RBFOX1: variants seen among roughly 807,000 people sequenced by gnomAD.
RBFOX1 encodes the protein RNA binding protein fox-1 homolog 1.
In RBFOX1, 8 loss-of-function variants were observed where a neutral mutation model predicts 57.7. The observed-to-expected ratio is 0.14, with a 90% CI of 0.08 to 0.25. The LOEUF (loss-of-function observed/expected upper bound fraction) is 0.25. Among genes scored for constraint, RBFOX1 ranks in the 10% least tolerant of loss-of-function variants. RBFOX1 has a pLI of 1.00. For synonymous variants in RBFOX1, 326 were observed against 222.4 expected, an observed-to-expected ratio of 1.47 and a Z score of -4.15; for missense variants, 611 against 548.5, an observed-to-expected ratio of 1.11 and a Z score of -1.14.
chr16:6,897,189 G>A (rs201733740), intron 3 of RBFOX1, among the ~76,000 whole-genome samples: 1 of 152,200 alleles, frequency 6.6e-6, no homozygotes, highest in Non-Finnish European at 1.5e-5. Context: ...TTAAACACAG[G>A]TTGTTTTCCA....
chr16:7,347,065 T>G (rs1447493745), intron 4 of RBFOX1, among the ~76,000 whole-genome samples: 1 of 152,136 alleles, frequency 6.6e-6, no homozygotes, highest in Non-Finnish European at 1.5e-5. Context: ...CAGGCAGAAT[T>G]TATGGACATA....
rs1254226631 is a variant in RBFOX1 at position 6,019,624 on chromosome 16, C to T, written c.-495C>T. 1.6e-6 allele frequency: 2 copies of T among 1,269,624 alleles called. No homozygotes were observed. Among genetic ancestry groups the T allele is most frequent in the Non-Finnish European group, 2.0e-6 (2 of 1,007,480 alleles). The allele number at this position is 1,269,624 out of a possible 1,614,324, so 78.6% of individuals were successfully genotyped here. A position where few individuals can be genotyped will look rare whatever the true frequency, so the allele number is the denominator to read the frequency against. On this transcript the variant is annotated 5_prime_UTR_variant, in exon 1 of 16. Transcript: ENST00000550418. The surrounding 1 kb of genome is among the most constrained non-coding windows in gnomAD (Gnocchi z 4.2). ...GAAGGAGTGAGCCGAGCCGAGCACC[C>T]CACATCTGGAGGGGACAGCCAGCCG...
chr16:7,058,006 G>GAAAA (rs61023664), intron 4 of RBFOX1, among the ~76,000 whole-genome samples: 42 of 136,664 alleles, frequency 3.1e-4, no homozygotes, highest in Middle Eastern at 3.8e-3. Flanking sequence ...AGACTGTGGG[G>GAAAA]AAAAAAAAAA....
chr16:5,267,023 G>A (rs2062876484), intron 1 of RBFOX1, among the ~76,000 whole-genome samples: 1 of 150,948 alleles, frequency 6.6e-6, no homozygotes, highest in Admixed American at 6.6e-5. Context: ...ACTCTGAAAT[G>A]AGCACCAGGG....
Position 6,521,496 on chromosome 16 carries a change from G to A in RBFOX1, c.-63-133107G>A, listed in dbSNP as rs182449748. Among the ~76,000 whole-genome samples the A allele has an allele frequency of 2.7e-4, 30 of 110,828 alleles. 1 individual carries two copies. The highest frequency in any genetic ancestry group is 5.3e-4 in the African/African-American group (15 of 28,404). 72.7% of individuals were successfully genotyped at this position (110,828 alleles called of 152,430 possible). ...TTCTCTTCCTCTCCCCTCTCCTCCC[G>A]TTTTATCCCCTCCCCTTCGCTTTTC... On this transcript the variant is annotated intron_variant, in intron 2 of 15. Transcript: ENST00000550418.
At chr16:5,684,008 G>C (rs1408508468) in intron 3 of RBFOX1, among the ~76,000 whole-genome samples, 1 of 151,920 alleles carries the variant, frequency 6.6e-6, no homozygotes, top group Admixed American at 6.6e-5. Flanking sequence ...CACAGCGTAG[G>C]AGAATGCAGA....
intron 3 of RBFOX1, among the ~76,000 whole-genome samples, chr16:6,659,380 A>T (rs946448737): frequency 6.6e-6 from 1 of 152,074 alleles, no homozygotes; most frequent in Non-Finnish European, 1.5e-5. Flanking sequence ...ATTGGGTCCA[A>T]TTGAAGGTGC....
chr16:5,576,814 GC>G lies in RBFOX1; in HGVS notation c.259-22087del, dbSNP rs1567249357. On this transcript the variant is annotated intron_variant, in intron 2 of 2. Coordinates refer to the RBFOX1 transcript ENST00000585867. ...CTTCAGATATCTTGGGGAATAAGAA[GC>G]TGAAGGGTCTGAGCGCTAGAGAACT... Among the ~76,000 whole-genome samples the G allele has an allele frequency of 3.6e-3, 550 of 152,364 alleles. 4 individuals carry two copies. Among genetic ancestry groups the G allele is most frequent in the African/African-American group, 0.012 (517 of 41,598 alleles).
At chr16:6,882,050 A>G (rs76163916) in intron 3 of RBFOX1, among the ~76,000 whole-genome samples, 2 of 152,184 alleles carry the variant, frequency 1.3e-5, no homozygotes, top group Non-Finnish European at 2.9e-5. Context: ...AAAAATGGTG[A>G]TGTCAGTCTT....
At chr16:7,071,984 T>C (rs915640412) in intron 4 of RBFOX1, among the ~76,000 whole-genome samples, 118 of 152,316 alleles carry the variant, frequency 7.7e-4, no homozygotes, top group African/African-American at 2.7e-3. Context: ...CTTAAGTCTA[T>C]GAATTCCTCT....
chr16:6,543,355 C>T (rs1348405196), intron 2 of RBFOX1, among the ~76,000 whole-genome samples: 1 of 152,248 alleles, frequency 6.6e-6, no homozygotes, highest in South Asian at 2.1e-4. Context: ...CAGATTTCCA[C>T]TGAGTCTCTA....
intron 2 of RBFOX1, among the ~76,000 whole-genome samples, chr16:6,360,098 A>G (rs963689605): frequency 7.2e-5 from 11 of 152,132 alleles, no homozygotes; most frequent in Non-Finnish European, 2.9e-5. Context: ...GTTCATTTCC[A>G]TGGCTTTATG....
At chr16:6,718,654 A>G (rs2065314459) in intron 3 of RBFOX1, among the ~76,000 whole-genome samples, 1 of 152,032 alleles carries the variant, frequency 6.6e-6, no homozygotes, top group African/African-American at 2.4e-5. Context: ...ATGGGAACGG[A>G]CTTCCCCCTT....
intron 4 of RBFOX1, among the ~76,000 whole-genome samples, chr16:7,334,198 C>T (rs576327391): frequency 7.9e-5 from 12 of 152,194 alleles, no homozygotes; most frequent in African/African-American, 2.9e-4. Context: ...GGGGGTGATT[C>T]CAAGTCACAA....
At chr16:6,483,308 G>A in intron 2 of RBFOX1, 1 of 1,401,912 alleles carries the variant, frequency 7.1e-7, no homozygotes, top group East Asian at 2.7e-5. Flanking sequence ...TCTCGCGCCC[G>A]CGCGCTCGGG....
intron 3 of RBFOX1, among the ~76,000 whole-genome samples, chr16:6,921,788 A>G (rs1390928576): frequency 1.0e-5 from 1 of 98,348 alleles, no homozygotes; most frequent in Admixed American, 1.1e-4. Context: ...TTGTATATGC[A>G]CACACACATG....
At chr16:6,997,950 A>G (rs1346981409) in intron 3 of RBFOX1, among the ~76,000 whole-genome samples, 2 of 152,178 alleles carry the variant, frequency 1.3e-5, no homozygotes, top group East Asian at 3.9e-4. Flanking sequence ...TTTTAATATT[A>G]TATTTCGTAA....
intron 2 of RBFOX1, among the ~76,000 whole-genome samples, chr16:5,536,479 G>C (rs1314760231): frequency 3.3e-5 from 5 of 152,012 alleles, no homozygotes; most frequent in Non-Finnish European, 7.4e-5. Flanking sequence ...CAGGTGATCT[G>C]TCTGCCTTGG....
At chr16:7,408,011 G>A (rs1249315228) in intron 4 of RBFOX1, among the ~76,000 whole-genome samples, 1 of 152,150 alleles carries the variant, frequency 6.6e-6, no homozygotes, top group Non-Finnish European at 1.5e-5. Context: ...TTATTCCGTG[G>A]CTCTTTACAG....
Sources: gnomAD v4.1 joint callset for allele counts (sites outside exome capture counted in the v4.1 genomes callset) on GRCh38, gnomAD v4.1.1 for gene constraint, Gnocchi (gnomAD v3.1) non-coding constraint, MANE v1.5 for transcripts, NCBI Gene and HGNC (gene_info 2026-07-23, HGNC 2026-07-21) for gene names.